The following GRIK5 variants were observed in gnomAD, a reference collection of about 807,000 sequenced individuals.
The protein encoded by GRIK5 is glutamate receptor ionotropic, kainate 5.
In GRIK5, 43 loss-of-function variants were observed where a neutral mutation model predicts 97.4. The ratio of observed to expected loss-of-function variants is 0.44; its 90% confidence interval spans 0.35 to 0.57. The LOEUF is 0.57. Ranked by LOEUF, GRIK5 falls within the 20% of genes least tolerant of loss-of-function variation. The pLI, the probability that GRIK5 is intolerant of heterozygous loss-of-function variation, is 0.01. For synonymous variants in GRIK5, 580 were observed against 583.5 expected, an observed-to-expected ratio of 0.99 and a Z score of 0.09; for missense variants, 1,015 against 1,382.0, an observed-to-expected ratio of 0.73 and a Z score of 4.21.
chr19:42,008,172 C>A (rs1371782568), intron 15 of GRIK5, among the ~76,000 whole-genome samples: 1 of 152,090 alleles, frequency 6.6e-6, no homozygotes, highest in Non-Finnish European at 1.5e-5. Context: ...CACCTGCCAG[C>A]ACGCCTGACT....
chr19:42,065,080 G>A lies in GRIK5; in HGVS notation c.244+143C>T. ...CCAGGCCCAGCAGCAGCCATGTCTG[G>A]GAAGAAGGCAGAGACAAACACAAAG... On this transcript the variant is annotated intron_variant, in intron 3 of 19. Coordinates refer to ENST00000593562, the MANE Select transcript of GRIK5 (RefSeq NM_002088.5). This position sits in a 1 kb window ranked among gnomAD's most constrained non-coding sequence, Gnocchi z 5.8. 2 of 717,086 alleles carry A rather than the reference G, an allele frequency of 2.8e-6. No individual in the cohort carries two copies. The highest frequency in any genetic ancestry group is 4.2e-5 in the South Asian group (2 of 48,056). The allele number at this position is 717,086 out of a possible 1,614,324, so 44.4% of individuals were successfully genotyped here.
At position 42,015,128 on chromosome 19, in the gene GRIK5, G is replaced by A. The variant is rs76428416; in HGVS notation, c.1871+6173C>T. ...ACATAAGAGTCCTAAACATTTGTGCGCCTAATTACAAAGCTTCAACATGCA... is the reference window on the plus strand; with the variant it reads ...ACATAAGAGTCCTAAACATTTGTGCACCTAATTACAAAGCTTCAACATGCA... On this transcript the variant is annotated intron_variant, in intron 15 of 19. Coordinates refer to ENST00000593562, the MANE Select transcript of GRIK5 (RefSeq NM_002088.5). Among the ~76,000 whole-genome samples, 703 of 152,234 alleles carry A rather than the reference G, an allele frequency of 4.6e-3. 16 individuals are homozygous for A. Among genetic ancestry groups the A allele is most frequent in the African/African-American group, 0.016 (676 of 41,526 alleles).
In GRIK5 at chr19:41,999,922, A is replaced by C. The variant is rs1429149609; in HGVS notation, c.2515-623T>G. 6.6e-6 allele frequency among the ~76,000 whole-genome samples: 1 copy of C among 152,240 alleles called. No individual in the cohort carries two copies. Among genetic ancestry groups the C allele is most frequent in the Non-Finnish European group, 1.5e-5 (1 of 68,048 alleles). ...GACAGTCAAGGAAGACCTCACTGAGAGAAGGATCCTTAAATAAAGACAGGG... is the reference window on the plus strand; with the variant it reads ...GACAGTCAAGGAAGACCTCACTGAGCGAAGGATCCTTAAATAAAGACAGGG... On this transcript the variant is annotated intron_variant, in intron 19 of 19. Transcript: ENST00000593562. This position sits in a 1 kb window ranked among gnomAD's most constrained non-coding sequence, Gnocchi z 5.0.
At chr19:42,041,812 C>T (rs1011088784) in intron 12 of GRIK5, among the ~76,000 whole-genome samples, 5 of 152,210 alleles carry the variant, frequency 3.3e-5, no homozygotes, top group Non-Finnish European at 7.3e-5. Flanking sequence ...TCCTTCATGA[C>T]CTTTGGGAAT....
At position 42,065,953 on chromosome 19, in the gene GRIK5, C is replaced by A; in HGVS notation, c.-50-133G>T. Reference sequence around the variant, plus strand: ...CAAGCAGTTCACAGCTCTGCAGAGCCCTGCTCTGTTTAGAAGCTGGCAATA... The same window carrying A: ...CAAGCAGTTCACAGCTCTGCAGAGCACTGCTCTGTTTAGAAGCTGGCAATA... On this transcript the variant is annotated intron_variant, in intron 1 of 19. Transcript: ENST00000593562. The surrounding 1 kb of genome is among the most constrained non-coding windows in gnomAD (Gnocchi z 5.8). 1.7e-6 allele frequency: 1 copy of A among 603,274 alleles called. No individual in the cohort carries two copies. The highest frequency in any genetic ancestry group is 3.0e-6 in the Non-Finnish European group (1 of 336,022). The allele number at this position is 603,274 out of a possible 1,614,324, so 37.4% of individuals were successfully genotyped here. A position where few individuals can be genotyped will look rare whatever the true frequency, so the allele number is the denominator to read the frequency against.
At chr19:42,033,150 T>G (rs2075858936) in intron 12 of GRIK5, among the ~76,000 whole-genome samples, 2 of 152,074 alleles carry the variant, frequency 1.3e-5, no homozygotes, top group Middle Eastern at 6.8e-3. Flanking sequence ...AAAGCCTGTC[T>G]CTACTAAAAA....
rs1390423934 is a variant in GRIK5, at chr19:42,002,586, G to T, written c.2514+746C>A. The T allele has an allele frequency of 1.6e-5, 10 of 643,718 alleles. 1 individual carries two copies. The highest frequency in any genetic ancestry group is 3.7e-5 in the South Asian group (2 of 54,404). The allele number at this position is 643,718 out of a possible 1,614,324, so 39.9% of individuals were successfully genotyped here. ...TAAGGTCAGCCGCTGGATGTGAGGA[G>T]GGGGAGGAAGGGCTGGAGGCTGACA... is the stretch of plus-strand genomic sequence containing the variant. On this transcript the variant is annotated intron_variant, in intron 19 of 19. Transcript: ENST00000593562. The surrounding 1 kb of genome is among the most constrained non-coding windows in gnomAD (Gnocchi z 5.2).
intron 12 of GRIK5, among the ~76,000 whole-genome samples, chr19:42,036,902 CCT>C (rs1218593605): frequency 1.3e-5 from 2 of 152,150 alleles, no homozygotes; most frequent in Non-Finnish European, 2.9e-5. Flanking sequence ...TCATCTGTCC[CCT>C]GTGATACCCC....
chr19:42,052,386 G>A (rs1475014409), intron 11 of GRIK5, among the ~76,000 whole-genome samples: 2 of 152,090 alleles, frequency 1.3e-5, no homozygotes, highest in African/African-American at 4.8e-5. Context: ...AGCCCCCAGG[G>A]CTCCCTGGGG....
In GRIK5 at chr19:41,999,390, C is replaced by T; in HGVS notation, c.2515-91G>A. 1.0e-6 allele frequency: 1 copy of T among 973,770 alleles called. No individual in the cohort carries two copies. The highest frequency in any genetic ancestry group is 1.5e-6 in the Non-Finnish European group (1 of 688,730). The allele number at this position is 973,770 out of a possible 1,614,324, so 60.3% of individuals were successfully genotyped here. On this transcript the variant is annotated intron_variant, in intron 19 of 19. Transcript: ENST00000593562. This position sits in a 1 kb window ranked among gnomAD's most constrained non-coding sequence, Gnocchi z 5.0. ...CACATCCCACTCCTCCTCCTCCTTT[C>T]CTCGCCCGGGTCTTTCTTCCTTCTG... is the stretch of plus-strand genomic sequence containing the variant.
chr19:42,044,572 T>C (rs1049224325), intron 11 of GRIK5, among the ~76,000 whole-genome samples: 2 of 152,202 alleles, frequency 1.3e-5, no homozygotes, highest in African/African-American at 4.8e-5. Flanking sequence ...ATTGTCTAAA[T>C]GGTTGTTTGT....
At chr19:42,056,494 G>A (rs79659241) in intron 8 of GRIK5, among the ~76,000 whole-genome samples, 168 bp downstream of exon 8, 2,426 of 152,222 alleles carry the variant, frequency 0.016, 29 homozygotes, top group Non-Finnish European at 0.022. Flanking sequence ...AGTGGTGTGG[G>A]AGGTAGAGAG....
At chr19:42,054,223 A>G in intron 9 of GRIK5, 97 bp downstream of exon 9, 1 of 1,320,324 alleles carries the variant, frequency 7.6e-7, no homozygotes, top group Non-Finnish European at 1.1e-6. Flanking sequence ...CGGTGGGAAG[A>G]GCAGGGAGGG....
chr19:42,017,565 G>A (rs1288631516), intron 15 of GRIK5, among the ~76,000 whole-genome samples: 1 of 152,194 alleles, frequency 6.6e-6, no homozygotes, highest in East Asian at 1.9e-4. Context: ...TTTGAGGGGT[G>A]GCAAAGGCAA....
chr19:42,065,320 C>T lies in GRIK5; in HGVS notation c.147G>A (p.Glu49=). 6.2e-7 allele frequency: 1 copy of T among 1,612,186 alleles called. No homozygotes were observed. ...GERLALALAR[E]QINGIIEVPA... is the part of the protein sequence containing the mutation. The stretch of plus-strand genomic sequence containing the variant: ...GGACCTCGATGATCCCGTTGATCTG[C>T]TCCCGGGCCAAGGCCAAGGCCAGAC... The change falls in exon 3 of 20, where the codon GAG becomes GAA. Residue 49 remains glutamate (E), a synonymous_variant. Coordinates refer to ENST00000593562, the MANE Select transcript of GRIK5 (RefSeq NM_002088.5). The surrounding 1 kb of genome is among the most constrained non-coding windows in gnomAD (Gnocchi z 5.8).
At chr19:42,044,337 AATT>A (rs2076017097) in intron 11 of GRIK5, among the ~76,000 whole-genome samples, 1 of 152,170 alleles carries the variant, frequency 6.6e-6, no homozygotes, top group Non-Finnish European at 1.5e-5. Context: ...TTCTAATACC[AATT>A]ATTATTAAAT....
In GRIK5 at chr19:42,003,299, G is replaced by T; in HGVS notation, c.2514+33C>A. ...CGCACCTCAGCCCCTGGGGGTCCCT[G>T]TTCCTGCCCACCCCCACCCCCAGCC... On this transcript the variant is annotated intron_variant, in intron 19 of 19. Transcript: ENST00000593562. The surrounding 1 kb of genome is among the most constrained non-coding windows in gnomAD (Gnocchi z 4.2). The T allele has an allele frequency of 1.3e-6, 2 of 1,596,110 alleles. No individual in the cohort carries two copies. The highest frequency in any genetic ancestry group is 8.6e-7 in the Non-Finnish European group (1 of 1,168,278).
intron 12 of GRIK5, among the ~76,000 whole-genome samples, chr19:42,041,835 C>T (rs1599807709): frequency 6.6e-6 from 1 of 152,294 alleles, no homozygotes; most frequent in Non-Finnish European, 1.5e-5. Flanking sequence ...GTTTGGGTAT[C>T]GTCTCTTCTG....
In GRIK5 at chr19:42,065,403, G is replaced by T. The variant is rs1465117523; in HGVS notation, c.80-16C>A. ...AGGATTGCAGCTGAGGGGACACATG[G>T]GTTGGGGACCAGACTCCTGAGTCCT... On this transcript the variant is annotated splice_polypyrimidine_tract_variant and intron_variant, in intron 2 of 19. Coordinates refer to ENST00000593562, the MANE Select transcript of GRIK5 (RefSeq NM_002088.5). This position sits in a 1 kb window ranked among gnomAD's most constrained non-coding sequence, Gnocchi z 5.8. 1 of 1,568,212 alleles carries T rather than the reference G, an allele frequency of 6.4e-7. No individual in the cohort carries two copies. Among genetic ancestry groups the T allele is most frequent in the East Asian group, 2.3e-5 (1 of 44,282 alleles).
Sources: allele counts gnomAD v4.1 joint callset (sites outside exome capture counted in the v4.1 genomes callset), GRCh38; gene constraint gnomAD v4.1.1; non-coding constraint Gnocchi (gnomAD v3.1); transcripts MANE v1.5; gene names NCBI Gene and HGNC (gene_info 2026-07-23, HGNC 2026-07-21).